Variants in PVT1 observed in about 807,000 individuals in gnomAD.
The protein encoded by PVT1 is CXCR4/PVT1 fusion.
chr8:128,082,074 G>A (rs562040158), intron 5 of PVT1, among the ~76,000 whole-genome samples: 6 of 152,320 alleles, frequency 3.9e-5, no homozygotes, highest in African/African-American at 1.4e-4. Context: ...TAGCTACAAA[G>A]TCTCATAGGG....
chr8:128,052,079 A>G (rs1055022266), intron 4 of PVT1, among the ~76,000 whole-genome samples: 1 of 152,156 alleles, frequency 6.6e-6, no homozygotes, highest in Non-Finnish European at 1.5e-5. Context: ...TTGGCCAAGA[A>G]AGCTGTTCAC....
intron 3 of PVT1, among the ~76,000 whole-genome samples, chr8:127,967,382 T>C (rs903911679): frequency 6.6e-6 from 1 of 152,218 alleles, no homozygotes; most frequent in African/African-American, 2.4e-5. Context: ...TGCGCTCTTG[T>C]TTGCCCAAGT....
At chr8:127,970,134 T>G (rs751318904) in intron 3 of PVT1, among the ~76,000 whole-genome samples, 2 of 151,900 alleles carry the variant, frequency 1.3e-5, no homozygotes, top group Non-Finnish European at 2.9e-5. Flanking sequence ...TGAGCAGGAA[T>G]TGTGCATCCA....
intron 4 of PVT1, among the ~76,000 whole-genome samples, chr8:128,020,461 T>C (rs1435611629): frequency 6.6e-6 from 1 of 152,162 alleles, no homozygotes; most frequent in Non-Finnish European, 1.5e-5. Flanking sequence ...GGCTCTGAAA[T>C]GTGGGGCCCA....
At chr8:128,095,325 C>A (rs1814413833) in intron 5 of PVT1, among the ~76,000 whole-genome samples, 1 of 152,118 alleles carries the variant, frequency 6.6e-6, no homozygotes, top group Non-Finnish European at 1.5e-5. Flanking sequence ...GGTTCTCCAC[C>A]ACGTAAGCTT....
At chr8:127,966,712 A>T (rs535545331) in intron 3 of PVT1, among the ~76,000 whole-genome samples, 49 of 152,278 alleles carry the variant, frequency 3.2e-4, no homozygotes, top group African/African-American at 1.1e-3. Context: ...AGCCCTCCCT[A>T]TGTAGCCAGT....
chr8:127,800,469 G>A (rs1433164236), intron 2 of PVT1, among the ~76,000 whole-genome samples: 1 of 152,108 alleles, frequency 6.6e-6, no homozygotes, highest in African/African-American at 2.4e-5. Context: ...AGTCTCCCCG[G>A]CCCCACTGTG....
At chr8:127,834,753 C>G (rs554539419) in intron 2 of PVT1, among the ~76,000 whole-genome samples, 2 of 152,086 alleles carry the variant, frequency 1.3e-5, no homozygotes, top group South Asian at 4.2e-4. Flanking sequence ...AACAAAAACC[C>G]CATCAAAAAG....
intron 3 of PVT1, chr8:127,939,571 A>G (rs1257887400): frequency 6.6e-6 from 1 of 152,230 alleles, no homozygotes; most frequent in Non-Finnish European, 1.5e-5. Flanking sequence ...TACAGCCATC[A>G]TGATGGTACT....
At chr8:127,861,416 C>G (rs1815226609) in intron 2 of PVT1, among the ~76,000 whole-genome samples, 1 of 152,180 alleles carries the variant, frequency 6.6e-6, no homozygotes, top group Non-Finnish European at 1.5e-5. Flanking sequence ...TGAGACCAGC[C>G]TGGCCAACAT....
At chr8:128,064,771 A>G (rs533964479) in intron 4 of PVT1, among the ~76,000 whole-genome samples, 1 of 152,362 alleles carries the variant, frequency 6.6e-6, no homozygotes, top group East Asian at 1.9e-4. Context: ...AGAAATAGTT[A>G]TACTGTATGT....
intron 3 of PVT1, among the ~76,000 whole-genome samples, chr8:127,942,185 G>A (rs1816360840): frequency 6.6e-6 from 1 of 152,192 alleles, no homozygotes; most frequent in Non-Finnish European, 1.5e-5. Flanking sequence ...TGCCAGTTGG[G>A]AAGTGTCATC....
chr8:127,995,694 G>C (rs1404952060), intron 4 of PVT1, among the ~76,000 whole-genome samples: 1 of 152,136 alleles, frequency 6.6e-6, no homozygotes, highest in East Asian at 1.9e-4. Context: ...TAATCTACCA[G>C]TAATCATGGT....
At chr8:127,883,571 T>G (rs1815492960) in intron 2 of PVT1, among the ~76,000 whole-genome samples, 1 of 151,588 alleles carries the variant, frequency 6.6e-6, no homozygotes, top group African/African-American at 2.4e-5. Flanking sequence ...TGTATACATA[T>G]GTAACAAACC....
intron 3 of PVT1, among the ~76,000 whole-genome samples, chr8:127,961,589 G>A (rs1563651185): frequency 6.6e-6 from 1 of 152,180 alleles, no homozygotes; most frequent in Non-Finnish European, 1.5e-5. Context: ...AGCAAATCCA[G>A]GTTCTCCTAC....
intron 4 of PVT1, among the ~76,000 whole-genome samples, chr8:128,019,110 G>A (rs57415495): frequency 0.089 from 13,539 of 152,250 alleles, 897 homozygotes; most frequent in Admixed American, 0.22. Flanking sequence ...GCCAGAGAAC[G>A]TCAGAGCCAC....
intron 5 of PVT1, among the ~76,000 whole-genome samples, chr8:128,092,991 C>T (rs1814379640): frequency 6.6e-6 from 1 of 152,206 alleles, no homozygotes; most frequent in South Asian, 2.1e-4. Context: ...TCCCATCCTG[C>T]CCAGATGCCT....
Position 127,984,842 on chromosome 8 carries a change from TTTCTTTCTTTCTTTCTTTCTTTCTTTC to T in PVT1, n.783-4317_783-4291del, listed in dbSNP as rs1255209279. Among the ~76,000 whole-genome samples, 348 of 53,912 alleles carry T rather than the reference TTTCTTTCTTTCTTTCTTTCTTTCTTTC, an allele frequency of 6.5e-3. 17 individuals are homozygous for T. Among genetic ancestry groups the T allele is most frequent in the Non-Finnish European group, 9.5e-3 (262 of 27,668 alleles). 35.4% of individuals were successfully genotyped at this position (53,912 alleles called of 152,430 possible). A position where few individuals can be genotyped will look rare whatever the true frequency, so the allele number is the denominator to read the frequency against. ...AGGCTGGTTTCTTTCTTTTCTTTTC[TTTCTTTCTTTCTTTCTTTCTTTCTTTC>T]TTTCTTTCTTTCTTTCTTTCTTTCT... is the stretch of plus-strand genomic sequence containing the variant. On this transcript the variant is annotated intron_variant and non_coding_transcript_variant, in intron 3 of 10. Transcript: ENST00000651587.
In PVT1 at chr8:127,859,299, C is replaced by T. The variant is rs186407264; in HGVS notation, n.373-31290C>T. Among the ~76,000 whole-genome samples, 711 of 152,146 alleles carry T rather than the reference C, an allele frequency of 4.7e-3. 4 individuals are homozygous for T. Among genetic ancestry groups the T allele is most frequent in the Non-Finnish European group, 7.1e-3 (480 of 67,984 alleles). ...AACCAGGTCTGGGCTTCTTATCTTG[C>T]GAGGCAGGTGAAGAAAGACTAGGAA... On this transcript the variant is annotated intron_variant and non_coding_transcript_variant, in intron 2 of 10. Coordinates refer to ENST00000651587, the Ensembl canonical transcript of PVT1.
Sources: allele counts gnomAD v4.1 joint callset (sites outside exome capture counted in the v4.1 genomes callset), GRCh38; gene constraint gnomAD v4.1.1; transcripts MANE v1.5; gene names NCBI Gene and HGNC (gene_info 2026-07-23, HGNC 2026-07-21).